The following ACSM3 variants were observed in gnomAD, a reference collection of about 807,000 sequenced individuals.
ACSM3 encodes acyl-CoA synthetase medium chain family member 3.
Under a neutral mutation model 74.1 loss-of-function variants are expected in ACSM3, and 61 were observed. The observed-to-expected ratio is 0.82, with a 90% CI of 0.67 to 1.02. The LOEUF is 1.02. Among genes scored for constraint, ACSM3 ranks in the 50% least tolerant of loss-of-function variants. The pLI, the probability that ACSM3 is intolerant of heterozygous loss-of-function variation, is 0.00. For synonymous variants in ACSM3, 213 were observed against 241.5 expected (o/e 0.88, Z 1.09); for missense variants, 660 against 697.0 (o/e 0.95, Z 0.60).
intron 3 of ACSM3, among the ~76,000 whole-genome samples, chr16:20,756,004 G>A (rs1428815144): frequency 1.3e-5 from 2 of 152,006 alleles, no homozygotes; most frequent in Non-Finnish European, 2.9e-5. Flanking sequence ...TGGTATATAT[G>A]TACCACATTT....
At chr16:20,693,265 T>C (rs1356823645) in intron 1 of ACSM3, among the ~76,000 whole-genome samples, 3 of 151,884 alleles carry the variant, frequency 2.0e-5, no homozygotes, top group African/African-American at 7.3e-5. Context: ...TTCCCTAGAG[T>C]AGCATTCAGG....
chr16:20,703,374 T>A (rs2079718640), intron 1 of ACSM3: 1 of 152,250 alleles, frequency 6.6e-6, no homozygotes. Context: ...TTGATGGGAA[T>A]AGCATTGAAT....
chr16:20,792,423 C>G, intron 12 of ACSM3, 88 bp downstream of exon 12: 1 of 1,570,354 alleles, frequency 6.4e-7, no homozygotes, highest in Non-Finnish European at 8.7e-7. Context: ...CAGAATTAAC[C>G]AAATGATTCA....
chr16:20,744,411 G>A (rs1045063183), intron 1 of ACSM3, among the ~76,000 whole-genome samples: 10 of 152,146 alleles, frequency 6.6e-5, no homozygotes, highest in African/African-American at 2.4e-4. Context: ...TTTTGAGACG[G>A]AGTCTTGCTG....
At position 20,740,625 on chromosome 16, in the gene ACSM3, G is replaced by A. The variant is rs533503656; in HGVS notation, c.-189-9285G>A. Reference sequence around the variant, plus strand: ...CTAGCTCAGCAGCATCAAATAATGTGCCCATGTCCGAGTCCCCAAGCTAGT... The same window carrying A: ...CTAGCTCAGCAGCATCAAATAATGTACCCATGTCCGAGTCCCCAAGCTAGT... On this transcript the variant is annotated intron_variant, in intron 1 of 3. Transcript: ENST00000561584. 3.3e-5 allele frequency among the ~76,000 whole-genome samples: 5 copies of A among 152,180 alleles called. No homozygotes were observed. The South Asian group carries it at 8.3e-4, about 25-fold the overall frequency.
At chr16:20,680,617 C>T (rs1306686138) in intron 1 of ACSM3, 7 of 152,178 alleles carry the variant, frequency 4.6e-5, no homozygotes, top group East Asian at 3.8e-4. Context: ...CCGTATCGCC[C>T]GTTGGGGAAA....
chr16:20,717,975 G>A (rs1354993443), intron 1 of ACSM3, among the ~76,000 whole-genome samples: 1 of 115,544 alleles, frequency 8.7e-6, no homozygotes, highest in Non-Finnish European at 1.9e-5. Flanking sequence ...AGAAGAAGAA[G>A]AAGAAGAAGA....
intron 1 of ACSM3, among the ~76,000 whole-genome samples, chr16:20,710,317 T>C (rs2079740177): frequency 6.6e-6 from 1 of 152,114 alleles, no homozygotes. Flanking sequence ...AAAACAGTAG[T>C]CTCTAGGCAT....
chr16:20,715,012 G>A (rs60070647), intron 1 of ACSM3, among the ~76,000 whole-genome samples: 2,722 of 152,256 alleles, frequency 0.018, 78 homozygotes, highest in African/African-American at 0.062. Flanking sequence ...TAGATAGGTA[G>A]ATAGATGGAT....
intron 2 of ACSM3, among the ~76,000 whole-genome samples, chr16:20,750,871 G>T (rs2079984728): frequency 1.7e-5 from 1 of 58,892 alleles, no homozygotes. Context: ...TTGAAACGGA[G>T]TCTTACTCTG....
At chr16:20,787,902 C>T (rs957311550) in intron 9 of ACSM3, among the ~76,000 whole-genome samples, 1 of 152,148 alleles carries the variant, frequency 6.6e-6, no homozygotes, top group Non-Finnish European at 1.5e-5. Context: ...CCTGAAGAAC[C>T]ACCCCCCGAC....
intron 1 of ACSM3, chr16:20,741,481 G>GGGGGGGGGGCCCCCCCCCCCCCCC: frequency 1.5e-6 from 2 of 1,308,404 alleles, no homozygotes; most frequent in African/African-American, 1.5e-5. Context: ...CTGGCAGCCG[G>GGGGGGGGGGCCCCCCCCCCCCCCC]CCCGCCCGCC....
intron 1 of ACSM3, among the ~76,000 whole-genome samples, chr16:20,742,578 G>A (rs561457024): frequency 1.1e-4 from 17 of 151,332 alleles, no homozygotes; most frequent in East Asian, 5.9e-4. Flanking sequence ...GGGAAGCGGC[G>A]GTTGCAGTAA....
Position 20,780,840 on chromosome 16 carries a change from A to T in ACSM3, c.765A>T (p.Gly255=), listed in dbSNP as rs2080336501. 5 of 1,614,112 alleles carry T rather than the reference A, an allele frequency of 3.1e-6. No individual in the cohort carries two copies. Among genetic ancestry groups the T allele is most frequent in the Non-Finnish European group, 4.2e-6 (5 of 1,180,038 alleles). ...TAHTHSSFGL[G]LSVNGRFWLD... The stretch of plus-strand genomic sequence containing the variant: ...ACACCCACAGCAGTTTTGGTTTAGG[A>T]TTATCTGTAAATGGAAGGTATACTT... The change falls in exon 5 of 14, where the codon GGA becomes GGT. Residue 255 remains glycine (G), a synonymous_variant. Coordinates refer to ENST00000289416, the MANE Select transcript of ACSM3 (RefSeq NM_005622.4).
intron 1 of ACSM3, among the ~76,000 whole-genome samples, chr16:20,745,132 T>C (rs2079952445): frequency 6.6e-6 from 1 of 152,218 alleles, no homozygotes. Flanking sequence ...TATTCCTTAT[T>C]ATTCTTCTTT....
At chr16:20,714,172 C>T (rs1300553752) in intron 1 of ACSM3, among the ~76,000 whole-genome samples, 1 of 151,464 alleles carries the variant, frequency 6.6e-6, no homozygotes, top group Non-Finnish European at 1.5e-5. Context: ...AGATGGTGCT[C>T]CAGTTTCAGG....
In ACSM3 at chr16:20,790,629, G is replaced by GGAGATATTGGCA; in HGVS notation, c.1268_1279dup (p.Gly426_Ile427insArgAspIleGly). 1 of 1,614,094 alleles carries GGAGATATTGGCA rather than the reference G, an allele frequency of 6.2e-7. No homozygotes were observed. ...CAATGTTCTACCTCCTGGACAAGAA[G>GGAGATATTGGCA]GAGATATTGGCATTCAAGTTCTACC... On this transcript the variant is annotated inframe_insertion, in exon 10 of 14. Transcript: ENST00000289416. This position sits in a 1 kb window ranked among gnomAD's most constrained non-coding sequence, Gnocchi z 4.0.
At chr16:20,730,699 C>T (rs546003981) in intron 1 of ACSM3, among the ~76,000 whole-genome samples, 6 of 151,854 alleles carry the variant, frequency 4.0e-5, no homozygotes, top group Admixed American at 1.3e-4. Context: ...GCAGAAGTAA[C>T]CACCAATTAG....
intron 1 of ACSM3, chr16:20,741,847 T>C: frequency 6.5e-7 from 1 of 1,536,686 alleles, no homozygotes; most frequent in Non-Finnish European, 8.7e-7. Flanking sequence ...CGGCCTCCCC[T>C]AGCCGGCCTC....
Sources: gnomAD v4.1 joint callset for allele counts (sites outside exome capture counted in the v4.1 genomes callset) on GRCh38, gnomAD v4.1.1 for gene constraint, Gnocchi (gnomAD v3.1) non-coding constraint, MANE v1.5 for transcripts, NCBI Gene and HGNC (gene_info 2026-07-23, HGNC 2026-07-21) for gene names.